Variants in GAD1 observed in about 807,000 individuals in gnomAD.
GAD1 encodes the protein 67 kDa glutamic acid decarboxylase.
In GAD1, 35 loss-of-function variants were observed where a neutral mutation model predicts 75.2. The ratio of observed to expected loss-of-function variants is 0.47; its 90% CI spans 0.36 to 0.62. The LOEUF (loss-of-function observed/expected upper bound fraction) is 0.62. GAD1 is among the 20% of genes least tolerant of loss of function. GAD1 has a pLI of 0.00. For missense variants in GAD1, 490 were observed against 758.5 expected, an observed-to-expected ratio of 0.65 and a Z score of 4.16; for synonymous variants, 257 against 271.9, an observed-to-expected ratio of 0.95 and a Z score of 0.54.
At chr2:170,828,205 CTCTGCTATCCTCACCCCTCCTCTT>C (rs1702081699) in intron 3 of GAD1, among the ~76,000 whole-genome samples, 2 of 99,484 alleles carry the variant, frequency 2.0e-5, no homozygotes, top group African/African-American at 3.4e-5. Flanking sequence ...CCTCTCCTCT[CTCTGCTATCCTCACCCCTCCTCTT>C]TCTGCTGTCC....
chr2:170,858,782 T>G lies in GAD1; in HGVS notation c.1522-22T>G, dbSNP rs972440021. On this transcript the variant is annotated intron_variant, in intron 15 of 16. Coordinates refer to ENST00000358196, the MANE Select transcript of GAD1 (RefSeq NM_000817.3). ...CTCAAGTTATCCTAATTTTCTTTGT[T>G]TGTCTTTTAAAATCTCTGCAGCCTG... 3 of 1,611,064 alleles carry G rather than the reference T, an allele frequency of 1.9e-6. No homozygotes were observed. In the African/African-American group the frequency reaches 4.0e-5, roughly 22 times the overall value.
At chr2:170,849,439 C>T in intron 12 of GAD1, 89 bp downstream of exon 12, 1 of 1,214,336 alleles carries the variant, frequency 8.2e-7, no homozygotes, top group Non-Finnish European at 1.2e-6. Flanking sequence ...CTGCCCTGAT[C>T]CCCAGCATCA....
At chr2:170,839,555 A>G (rs911193838) in intron 6 of GAD1, among the ~76,000 whole-genome samples, 4 of 151,688 alleles carry the variant, frequency 2.6e-5, no homozygotes, top group African/African-American at 9.7e-5. Context: ...TAGAGGTTGC[A>G]GTGAGCTGAG....
At chr2:170,817,928 G>GTATCATTA in intron 1 of GAD1, 1 of 152,850 alleles carries the variant, frequency 6.5e-6, no homozygotes, top group Non-Finnish European at 1.5e-5. Context: ...GGCCAAGTCC[G>GTATCATTA]AGGGAGAACG....
At chr2:170,823,277 T>G (rs921717372) in intron 3 of GAD1, among the ~76,000 whole-genome samples, 10 of 152,180 alleles carry the variant, frequency 6.6e-5, no homozygotes, top group Non-Finnish European at 1.3e-4. Flanking sequence ...GCCCGCCGCC[T>G]GGGTGCTCTC....
At chr2:170,822,852 G>C (rs1389013830) in intron 3 of GAD1, among the ~76,000 whole-genome samples, 1 of 152,250 alleles carries the variant, frequency 6.6e-6, no homozygotes. Context: ...GAAGGGAAAG[G>C]GGACGAGCAG....
At chr2:170,849,568 G>A (rs982857682) in intron 12 of GAD1, among the ~76,000 whole-genome samples, 8 of 152,222 alleles carry the variant, frequency 5.3e-5, no homozygotes, top group African/African-American at 1.7e-4. Context: ...AGAAAGACAG[G>A]CCAGGTGTGG....
At chr2:170,819,358 G>T (rs1701804256) in intron 2 of GAD1, among the ~76,000 whole-genome samples, 1 of 152,042 alleles carries the variant, frequency 6.6e-6, no homozygotes, top group Non-Finnish European at 1.5e-5. Context: ...ATGGGGAACT[G>T]GGAGGGGGCA....
At chr2:170,836,095 GT>G (rs906336690) in intron 5 of GAD1, among the ~76,000 whole-genome samples, 1 of 150,840 alleles carries the variant, frequency 6.6e-6, no homozygotes, top group Non-Finnish European at 1.5e-5. Flanking sequence ...CTCTCTGACC[GT>G]TTTTGGTTGT....
chr2:170,819,129 C>A (rs1048444683), intron 2 of GAD1, among the ~76,000 whole-genome samples: 2 of 152,030 alleles, frequency 1.3e-5, no homozygotes, highest in African/African-American at 2.4e-5. Flanking sequence ...CTATAATCAG[C>A]GGAAATTTCG....
At position 170,853,841 on chromosome 2, in the gene GAD1, T is replaced by G; in HGVS notation, c.1264-32T>G. The stretch of plus-strand genomic sequence containing the variant: ...GCCACCCACATCTCTGATGTGTAAA[T>G]GCAGATGCACCCATCTTAATTTCCA... On this transcript the variant is annotated intron_variant, in intron 13 of 16. Coordinates refer to ENST00000358196, the MANE Select transcript of GAD1 (RefSeq NM_000817.3). The surrounding 1 kb of genome is among the most constrained non-coding windows in gnomAD (Gnocchi z 4.1). 1 of 1,613,360 alleles carries G rather than the reference T, an allele frequency of 6.2e-7. No homozygotes were observed. Among genetic ancestry groups the G allele is most frequent in the Non-Finnish European group, 8.5e-7 (1 of 1,179,438 alleles).
chr2:170,854,574 A>T (rs1034076302), intron 14 of GAD1, among the ~76,000 whole-genome samples: 2 of 151,942 alleles, frequency 1.3e-5, no homozygotes, highest in Admixed American at 6.6e-5. Flanking sequence ...CTAATTTTTT[A>T]AAAAATATTT....
intron 14 of GAD1, among the ~76,000 whole-genome samples, chr2:170,856,291 A>G (rs1031556882): frequency 2.6e-5 from 4 of 152,342 alleles, no homozygotes; most frequent in African/African-American, 9.6e-5. Flanking sequence ...CAGTTTGTCA[A>G]TAGTTGGAAC....
rs913745339 is a variant in GAD1 at position 170,853,695 on chromosome 2, C to G, written c.1264-178C>G. On this transcript the variant is annotated intron_variant, in intron 13 of 16. Coordinates refer to ENST00000358196, the MANE Select transcript of GAD1 (RefSeq NM_000817.3). This position sits in a 1 kb window ranked among gnomAD's most constrained non-coding sequence, Gnocchi z 4.1. Reference sequence around the variant, plus strand: ...AGAGAGTCAGAGACAAAAGGGATGGCAGTTTTTCCAAGAGTGATTTTAGAA... The same window carrying G: ...AGAGAGTCAGAGACAAAAGGGATGGGAGTTTTTCCAAGAGTGATTTTAGAA... 1.9e-5 allele frequency: 12 copies of G among 626,564 alleles called. No homozygotes were observed. The African/African-American group carries it at 2.0e-4, about 10-fold the overall frequency. 38.8% of individuals were successfully genotyped at this position (626,564 alleles called of 1,614,324 possible).
intron 3 of GAD1, among the ~76,000 whole-genome samples, chr2:170,827,431 G>C (rs1046863557): frequency 6.6e-6 from 1 of 152,240 alleles, no homozygotes; most frequent in Non-Finnish European, 1.5e-5. Flanking sequence ...AATTGAAGGA[G>C]GAGAAGCCAA....
intron 5 of GAD1, among the ~76,000 whole-genome samples, chr2:170,833,864 G>T (rs762793090): frequency 6.6e-5 from 10 of 152,154 alleles, no homozygotes; most frequent in Non-Finnish European, 1.5e-4. Flanking sequence ...GCTGAGCGTG[G>T]TAGTGTGCAC....
At chr2:170,828,431 C>G (rs139359892) in intron 3 of GAD1, among the ~76,000 whole-genome samples, 1 of 144,950 alleles carries the variant, frequency 6.9e-6, no homozygotes, top group East Asian at 2.2e-4. Context: ...TGTCCTCACC[C>G]CTCCTCTTCC....
In GAD1 at chr2:170,818,234, G is replaced by T; in HGVS notation, c.-63-295G>T. 7.7e-6 allele frequency: 1 copy of T among 129,876 alleles called. No individual in the cohort carries two copies. Among genetic ancestry groups the T allele is most frequent in the South Asian group, 8.4e-5 (1 of 11,954 alleles). 8.0% of individuals were successfully genotyped at this position (129,876 alleles called of 1,614,324 possible). The stretch of plus-strand genomic sequence containing the variant: ...TGTACTGGCCTTGGACCCCCACCCC[G>T]ACCCCGACCCCGCCTCGTCTCGGCG... On this transcript the variant is annotated intron_variant, in intron 1 of 16. Coordinates refer to ENST00000358196, the MANE Select transcript of GAD1 (RefSeq NM_000817.3). This position sits in a 1 kb window ranked among gnomAD's most constrained non-coding sequence, Gnocchi z 5.9.
chr2:170,824,229 G>A (rs1312891428), intron 3 of GAD1, among the ~76,000 whole-genome samples: 2 of 152,212 alleles, frequency 1.3e-5, no homozygotes, highest in African/African-American at 2.4e-5. Flanking sequence ...CAGGTTAGGA[G>A]GCTTCCCATT....
Sources: allele counts gnomAD v4.1 joint callset (sites outside exome capture counted in the v4.1 genomes callset), GRCh38; gene constraint gnomAD v4.1.1; non-coding constraint Gnocchi (gnomAD v3.1); transcripts MANE v1.5; gene names NCBI Gene and HGNC (gene_info 2026-07-23, HGNC 2026-07-21).